GDPD4: variants seen among roughly 807,000 people sequenced by gnomAD.
GDPD4 encodes the protein glycerophosphodiester phosphodiesterase 6.
A neutral mutation model predicts 67.8 loss-of-function variants in GDPD4; 60 were observed. The observed-to-expected ratio is 0.88, with a 90% CI of 0.72 to 1.10. GDPD4 has a LOEUF of 1.10. Among genes scored for constraint, GDPD4 ranks in the 50% least tolerant of loss-of-function variants. GDPD4 has a pLI of 0.00. For missense variants in GDPD4, 623 were observed against 613.9 expected, an observed-to-expected ratio of 1.01 and a Z score of -0.16; for synonymous variants, 212 against 210.9, an observed-to-expected ratio of 1.00 and a Z score of -0.04.
chr11:77,266,153 C>G (rs1374216079), intron 10 of GDPD4, among the ~76,000 whole-genome samples: 1 of 152,084 alleles, frequency 6.6e-6, no homozygotes, highest in African/African-American at 2.4e-5. Context: ...TGAACATTGT[C>G]TTCTTTTCTG....
chr11:77,268,961 G>C lies in GDPD4; in HGVS notation c.587C>G (p.Pro196Arg), dbSNP rs1264016549. The change falls in exon 9 of 17, where the codon CCC becomes CGC. Residue 196 changes from proline (P) to arginine (R), a missense_variant. Physicochemically the swap from Pro to Arg is moderately radical, Grantham distance 103. Transcript: ENST00000315938. ...PCIQEKENLG[P>R]KPTIFGHRGA... ...TCTATGTCCAAAGATGGTTGGCTTG[G>C]GCCCCAAATTCTCCTTCTCCTGAAT... The C allele has an allele frequency of 6.2e-7, 1 of 1,614,004 alleles. No individual in the cohort carries two copies.
intron 13 of GDPD4, 23 bp downstream of exon 13, chr11:77,243,671 G>T (rs1211546924): frequency 6.3e-7 from 1 of 1,596,468 alleles, no homozygotes; most frequent in Admixed American, 1.7e-5. Flanking sequence ...TATGTGCCAA[G>T]AGAGGTGTGG....
chr11:77,292,238 G>T (rs1205944791), intron 1 of GDPD4, among the ~76,000 whole-genome samples: 3 of 151,784 alleles, frequency 2.0e-5, no homozygotes, highest in Non-Finnish European at 4.4e-5. Context: ...CAGTAAGCAG[G>T]ATAGAGTAGA....
chr11:77,258,389 T>C lies in GDPD4; in HGVS notation c.861A>G (p.Pro287=). ...GGAACTTGGGAATGTGTCTTACCTC[T>C]GGTTTTACAAACCATTTGCCTGCAT... is the stretch of plus-strand genomic sequence containing the variant. ...TLNAGKWFVK[P]ELRPFYNMKP... Residue 287 remains proline, a synonymous_variant, in exon 11 of 17, where the codon CCA becomes CCG. Coordinates refer to ENST00000315938, the MANE Select transcript of GDPD4 (RefSeq NM_182833.3). The C allele has an allele frequency of 6.2e-7, 1 of 1,614,116 alleles. No homozygotes were observed. Among genetic ancestry groups the C allele is most frequent in the Non-Finnish European group, 8.5e-7 (1 of 1,179,954 alleles).
chr11:77,301,498 C>T (rs1565553263), intron 1 of GDPD4, 107 bp downstream of exon 1: 1 of 152,242 alleles, frequency 6.6e-6, no homozygotes, highest in African/African-American at 2.4e-5. Context: ...AGTGAGCGAA[C>T]AACGTCAAAG....
At chr11:77,279,883 T>C (rs1959677819) in intron 3 of GDPD4, among the ~76,000 whole-genome samples, 1 of 152,168 alleles carries the variant, frequency 6.6e-6, no homozygotes, top group Non-Finnish European at 1.5e-5. Context: ...AAATTGTTAA[T>C]GATTTGTTAG....
In GDPD4 at chr11:77,271,358, A is replaced by G. The variant is rs1959222255; in HGVS notation, c.243T>C (p.Ile81=). The change falls in exon 6 of 17, where the codon ATT becomes ATC. Residue 81 remains isoleucine, a synonymous_variant. Transcript: ENST00000315938. ...AGAATTTGCATATAATGAACATTAAAATGACACACAGAAGAATCACTAGCA... is the reference window on the plus strand; with the variant it reads ...AGAATTTGCATATAATGAACATTAAGATGACACACAGAAGAATCACTAGCA... ...LILLVILLCV[I]LMFIICKFWK... 6.2e-7 allele frequency: 1 copy of G among 1,613,728 alleles called. No homozygotes were observed. Among genetic ancestry groups the G allele is most frequent in the Admixed American group, 1.7e-5 (1 of 60,008 alleles).
At chr11:77,224,527 ATAGGACTTGAGGGTCACC>A (rs1958289170) in intron 16 of GDPD4, among the ~76,000 whole-genome samples, 2 of 152,146 alleles carry the variant, frequency 1.3e-5, no homozygotes, top group African/African-American at 4.8e-5. Flanking sequence ...GACCATGTGG[ATAGGACTTGAGGGTCACC>A]TCTAGGAGCT....
chr11:77,243,631 T>C, intron 13 of GDPD4, 63 bp downstream of exon 13: 3 of 1,347,546 alleles, frequency 2.2e-6, no homozygotes, highest in East Asian at 2.3e-5. Context: ...GAAGTTTAAT[T>C]AGAATGTGTA....
chr11:77,253,918 G>T (rs1039653349), intron 11 of GDPD4, among the ~76,000 whole-genome samples: 2 of 152,176 alleles, frequency 1.3e-5, no homozygotes, highest in Admixed American at 1.3e-4. Context: ...TACAGGGGGA[G>T]GGGTAGGTGA....
chr11:77,269,097 G>C (rs780044077), intron 8 of GDPD4, 28 bp from the exon 9 acceptor site: 1 of 1,604,022 alleles, frequency 6.2e-7, no homozygotes, highest in Non-Finnish European at 8.5e-7. Flanking sequence ...AAGGGGAAGT[G>C]GGGGAAAAAG....
At chr11:77,290,766 A>T (rs987688801) in intron 1 of GDPD4, among the ~76,000 whole-genome samples, 2 of 152,198 alleles carry the variant, frequency 1.3e-5, no homozygotes, top group Admixed American at 6.5e-5. Context: ...GCCAACAGGT[A>T]TATGAAAAAA....
intron 5 of GDPD4, among the ~76,000 whole-genome samples, chr11:77,272,500 G>C (rs1959261499): frequency 1.3e-5 from 2 of 152,170 alleles, no homozygotes; most frequent in Non-Finnish European, 2.9e-5. Context: ...GGCAGGCTGG[G>C]AGCAGCGGCT....
At chr11:77,292,783 G>A (rs1050476067) in intron 1 of GDPD4, among the ~76,000 whole-genome samples, 10 of 152,044 alleles carry the variant, frequency 6.6e-5, no homozygotes, top group Non-Finnish European at 1.2e-4. Context: ...AGACCCTAGA[G>A]ACATCAAAAG....
chr11:77,218,541 A>C (rs7125925), intron 16 of GDPD4, among the ~76,000 whole-genome samples: 11,732 of 151,506 alleles, frequency 0.077, 1,590 homozygotes, highest in African/African-American at 0.27. Context: ...CCTCCCCCAT[A>C]CCCCCACCCC....
rs560198343 is a variant in GDPD4, at chr11:77,270,569, C to T, written c.400+561G>A. Among the ~76,000 whole-genome samples the T allele has an allele frequency of 2.7e-4, 41 of 152,202 alleles. No homozygotes were observed. In the South Asian group the frequency reaches 7.9e-3, roughly 29 times the overall value. On this transcript the variant is annotated intron_variant, in intron 7 of 16. Transcript: ENST00000315938. The stretch of plus-strand genomic sequence containing the variant: ...CATCTCTATTAAAAATACAACCAGG[C>T]GTGGTGGTGCATGCCTGTAATCCCA...
chr11:77,271,978 C>T (rs1332073039), intron 5 of GDPD4, among the ~76,000 whole-genome samples: 4 of 152,154 alleles, frequency 2.6e-5, no homozygotes, highest in Non-Finnish European at 5.9e-5. Flanking sequence ...CTGTATACTT[C>T]ATAGAGAAAG....
At chr11:77,225,651 A>G (rs1958316327) in intron 16 of GDPD4, among the ~76,000 whole-genome samples, 3 of 152,250 alleles carry the variant, frequency 2.0e-5, no homozygotes, top group Admixed American at 6.5e-5. Context: ...GAAACTTTAC[A>G]TAAGAAACTA....
At chr11:77,250,217 ATAGT>A (rs553222628) in intron 11 of GDPD4, among the ~76,000 whole-genome samples, 8 of 152,130 alleles carry the variant, frequency 5.3e-5, no homozygotes, top group Non-Finnish European at 7.4e-5. Flanking sequence ...TCAGTACCTA[ATAGT>A]TAGTTTTTCA....
Sources: gnomAD v4.1 joint callset for allele counts (sites outside exome capture counted in the v4.1 genomes callset) on GRCh38, gnomAD v4.1.1 for gene constraint, MANE v1.5 for transcripts, NCBI Gene and HGNC (gene_info 2026-07-23, HGNC 2026-07-21) for gene names.